The following BRD10 variants were observed in gnomAD, a reference collection of about 807,000 sequenced individuals.
BRD10 encodes bromodomain containing 10.
the BRD10 span, chr9:5,924,668 G>T: frequency 6.7e-7 from 1 of 1,501,004 alleles, no homozygotes; most frequent in Non-Finnish European, 8.9e-7. Context: ...CTGAATCAAA[G>T]TGATCTTTCT....
At chr9:5,881,656 T>C in the BRD10 span, 1 of 152,180 alleles carries the variant, frequency 6.6e-6, no homozygotes, top group Non-Finnish European at 1.5e-5. Context: ...CAAACCTTCA[T>C]CAAGTCTTCA....
the BRD10 span, chr9:5,897,551 G>C: frequency 7.4e-6 from 12 of 1,613,462 alleles, no homozygotes; most frequent in African/African-American, 1.3e-5. Flanking sequence ...CTATCTCTTG[G>C]GCCAGGGCCG....
the BRD10 span, among the ~76,000 whole-genome samples, chr9:5,952,020 T>A: frequency 1.3e-5 from 2 of 148,722 alleles, no homozygotes; most frequent in East Asian, 3.9e-4. Flanking sequence ...TATTTATTTA[T>A]TTATTTATTT....
At chr9:5,949,555 G>A in the BRD10 span, among the ~76,000 whole-genome samples, 1 of 152,142 alleles carries the variant, frequency 6.6e-6, no homozygotes. Flanking sequence ...TGTAATATAA[G>A]TCTTAGCAGC....
the BRD10 span, among the ~76,000 whole-genome samples, chr9:5,993,423 G>C: frequency 1.3e-5 from 2 of 151,076 alleles, no homozygotes; most frequent in Non-Finnish European, 2.9e-5. Flanking sequence ...GTCCTGGAAA[G>C]AAATAGATAA....
At chr9:5,903,745 T>C in the BRD10 span, among the ~76,000 whole-genome samples, 8 of 152,364 alleles carry the variant, frequency 5.3e-5, no homozygotes, top group East Asian at 1.5e-3. Context: ...TTTATCGTTA[T>C]GTAATATCCC....
chr9:5,998,947 T>A, the BRD10 span, among the ~76,000 whole-genome samples: 3 of 152,038 alleles, frequency 2.0e-5, no homozygotes, highest in African/African-American at 7.2e-5. Context: ...TAATAGTTTT[T>A]AAATACCTTC....
chr9:5,923,761 C>A, the BRD10 span, among the ~76,000 whole-genome samples: 1 of 152,070 alleles, frequency 6.6e-6, no homozygotes, highest in Non-Finnish European at 1.5e-5. Flanking sequence ...CAAAAAATAT[C>A]CAGCTTTTAC....
the BRD10 span, among the ~76,000 whole-genome samples, chr9:5,952,430 A>AG: frequency 1.3e-5 from 2 of 152,184 alleles, no homozygotes; most frequent in Non-Finnish European, 2.9e-5. Context: ...TTGAAACCAA[A>AG]GTTTCACGAA....
At chr9:5,959,529 T>C in the BRD10 span, among the ~76,000 whole-genome samples, 31 of 152,178 alleles carry the variant, frequency 2.0e-4, no homozygotes, top group Admixed American at 3.9e-4. Flanking sequence ...CTCGGTTTTT[T>C]AGACAAAAAG....
chr9:5,938,199 G>C, the BRD10 span, among the ~76,000 whole-genome samples: 1 of 152,176 alleles, frequency 6.6e-6, no homozygotes, highest in Non-Finnish European at 1.5e-5. Flanking sequence ...TTAGCACTTT[G>C]GGAGGCTAAG....
chr9:6,007,102 G>A, the BRD10 span: 2 of 1,308,932 alleles, frequency 1.5e-6, no homozygotes, highest in Non-Finnish European at 2.1e-6. Context: ...TATCAGCGCC[G>A]CCCCCAGGCC....
chr9:5,919,583 C>CACACACA, the BRD10 span: 2 of 1,023,756 alleles, frequency 2.0e-6, no homozygotes, highest in African/African-American at 1.6e-5. Flanking sequence ...CACACACACA[C>CACACACA]AATGTATAGT....
the BRD10 span, among the ~76,000 whole-genome samples, chr9:5,981,048 A>T: frequency 6.6e-6 from 1 of 152,218 alleles, no homozygotes; most frequent in East Asian, 1.9e-4. Flanking sequence ...GTCTCTGACT[A>T]ACTCTTGACA....
chr9:5,885,381 C>CT, the BRD10 span, among the ~76,000 whole-genome samples: 103,180 of 147,580 alleles, frequency 0.7, 36,347 homozygotes, highest in Non-Finnish European at 0.75. Flanking sequence ...TATGTTATCT[C>CT]TTTTTTTTTT....
At chr9:5,887,324 C>T in the BRD10 span, among the ~76,000 whole-genome samples, 1 of 152,284 alleles carries the variant, frequency 6.6e-6, no homozygotes, top group African/African-American at 2.4e-5. Flanking sequence ...CCATTGTGTG[C>T]CCAGCATGCT....
chr9:5,917,078 C>T, the BRD10 span, among the ~76,000 whole-genome samples: 1 of 152,124 alleles, frequency 6.6e-6, no homozygotes, highest in African/African-American at 2.4e-5. Flanking sequence ...AGATTTGTCA[C>T]CCACCTACTC....
the BRD10 span, among the ~76,000 whole-genome samples, chr9:5,914,386 G>A: frequency 7.2e-6 from 1 of 138,814 alleles, no homozygotes; most frequent in African/African-American, 2.7e-5. Flanking sequence ...CAATTCCTAA[G>A]ATGGTGTTTT....
At chr9:5,996,507 T>A in the BRD10 span, among the ~76,000 whole-genome samples, 1 of 152,080 alleles carries the variant, frequency 6.6e-6, no homozygotes, top group Non-Finnish European at 1.5e-5. Context: ...TTAGTAGAGT[T>A]GGGATTTCAC....
Sources: allele counts gnomAD v4.1 joint callset (sites outside exome capture counted in the v4.1 genomes callset), GRCh38; gene constraint gnomAD v4.1.1; transcripts MANE v1.5; gene names NCBI Gene and HGNC (gene_info 2026-07-23, HGNC 2026-07-21).